The following SLC39A11 variants were observed in gnomAD, a reference collection of about 807,000 sequenced individuals.
The protein encoded by SLC39A11 is zinc transporter ZIP11.
SLC39A11 carries 33 observed loss-of-function variants against 36.1 expected under a neutral mutation model. The observed-to-expected ratio is 0.91, with a 90% confidence interval of 0.69 to 1.22. SLC39A11 has a LOEUF of 1.22. Ranked by LOEUF, SLC39A11 falls within the 50% of genes most tolerant of loss-of-function variation. The probability of loss-of-function intolerance (pLI) is 0.00; values close to 1 mark genes in which losing one functional copy is unlikely to be tolerated. For synonymous variants in SLC39A11, 166 were observed against 170.3 expected, an observed-to-expected ratio of 0.97 and a Z score of 0.20; for missense variants, 432 against 430.3, an observed-to-expected ratio of 1.00 and a Z score of -0.03.
At chr17:72,894,497 A>G (rs2081931347) in intron 5 of SLC39A11, among the ~76,000 whole-genome samples, 1 of 110,940 alleles carries the variant, frequency 9.0e-6, no homozygotes. Context: ...CCTCATCCCT[A>G]CTAAAAAAAA....
At chr17:73,020,646 C>A (rs1385405945) in intron 4 of SLC39A11, among the ~76,000 whole-genome samples, 1 of 145,638 alleles carries the variant, frequency 6.9e-6, no homozygotes, top group African/African-American at 2.5e-5. Flanking sequence ...GAGAACAATG[C>A]TTTTGGGTTT....
chr17:72,741,952 A>G (rs2074724877), intron 6 of SLC39A11, among the ~76,000 whole-genome samples: 2 of 152,164 alleles, frequency 1.3e-5, no homozygotes, highest in Admixed American at 6.5e-5. Context: ...CTGTAATCCC[A>G]GCACTTTGGG....
chr17:72,785,288 C>G (rs1264111268), intron 6 of SLC39A11, among the ~76,000 whole-genome samples: 1 of 152,180 alleles, frequency 6.6e-6, no homozygotes, highest in African/African-American at 2.4e-5. Flanking sequence ...AGGAGGTTTT[C>G]TCTCCTCTCT....
At chr17:72,883,528 T>TCCC (rs2081309567) in intron 5 of SLC39A11, among the ~76,000 whole-genome samples, 1 of 152,206 alleles carries the variant, frequency 6.6e-6, no homozygotes, top group Non-Finnish European at 1.5e-5. Flanking sequence ...GCTAGCCAGT[T>TCCC]AATTACACGG....
chr17:72,950,357 G>A (rs567648201), intron 4 of SLC39A11, among the ~76,000 whole-genome samples: 162 of 152,284 alleles, frequency 1.1e-3, no homozygotes, highest in African/African-American at 3.8e-3. Flanking sequence ...TCACGGTTAA[G>A]GTAGACCTAC....
At chr17:72,695,995 A>T (rs2072277510) in intron 7 of SLC39A11, among the ~76,000 whole-genome samples, 1 of 152,272 alleles carries the variant, frequency 6.6e-6, no homozygotes, top group African/African-American at 2.4e-5. Flanking sequence ...TTAGGCAGCC[A>T]CAGGAGACTA....
At chr17:72,713,507 G>A (rs1187294878) in intron 7 of SLC39A11, among the ~76,000 whole-genome samples, 2 of 152,182 alleles carry the variant, frequency 1.3e-5, no homozygotes, top group Non-Finnish European at 2.9e-5. Flanking sequence ...TCAACAGAGT[G>A]AAACCCGAAG....
intron 4 of SLC39A11, among the ~76,000 whole-genome samples, chr17:72,975,438 C>A (rs1206922389): frequency 6.6e-6 from 1 of 152,102 alleles, no homozygotes; most frequent in African/African-American, 2.4e-5. Context: ...AAAACTTCAT[C>A]TCAAAAAATA....
Position 72,733,512 on chromosome 17 carries a change from C to T in SLC39A11, c.671+3138G>A, listed in dbSNP as rs149942919. On this transcript the variant is annotated intron_variant, in intron 7 of 9. Coordinates refer to ENST00000255559, the MANE Select transcript of SLC39A11 (RefSeq NM_139177.4). ...AGATAAGCTAAGCATCTGCAGCCTCCGTGGAGGCTGGACTGGCTGAGTCTG... is the reference window on the plus strand; with the variant it reads ...AGATAAGCTAAGCATCTGCAGCCTCTGTGGAGGCTGGACTGGCTGAGTCTG... Among the ~76,000 whole-genome samples the T allele has an allele frequency of 1.9e-3, 294 of 152,258 alleles. 2 individuals carry two copies. The highest frequency in any genetic ancestry group is 6.7e-3 in the African/African-American group (279 of 41,550).
chr17:72,861,657 TTATATATATATATA>T (rs373265286), intron 5 of SLC39A11, among the ~76,000 whole-genome samples: 1,578 of 50,960 alleles, frequency 0.031, 53 homozygotes, highest in African/African-American at 0.06. Flanking sequence ...ATACAACACA[TTATATATATATATA>T]TATATATATA....
At chr17:72,716,706 C>T (rs1041792631) in intron 7 of SLC39A11, among the ~76,000 whole-genome samples, 2 of 152,106 alleles carry the variant, frequency 1.3e-5, no homozygotes, top group East Asian at 1.9e-4. Context: ...TGGTGGCTCA[C>T]GCCTGTAATC....
At chr17:73,072,805 G>A (rs1176023607) in intron 3 of SLC39A11, among the ~76,000 whole-genome samples, 1 of 152,192 alleles carries the variant, frequency 6.6e-6, no homozygotes, top group African/African-American at 2.4e-5. Flanking sequence ...TCCTGTCCGT[G>A]CCTCATGTGG....
chr17:73,057,334 T>A (rs550490740), intron 3 of SLC39A11, among the ~76,000 whole-genome samples: 24 of 152,308 alleles, frequency 1.6e-4, no homozygotes, highest in African/African-American at 5.8e-4. Context: ...CCTCTTTTAA[T>A]AGATTCTTTA....
chr17:72,953,901 C>T (rs145056109), intron 4 of SLC39A11, among the ~76,000 whole-genome samples: 20 of 152,312 alleles, frequency 1.3e-4, no homozygotes, highest in Middle Eastern at 3.4e-3. Flanking sequence ...ACCTGACCTC[C>T]GCCAAACCCG....
At chr17:72,686,078 C>A (rs1246004945) in intron 7 of SLC39A11, among the ~76,000 whole-genome samples, 2 of 152,084 alleles carry the variant, frequency 1.3e-5, no homozygotes, top group East Asian at 1.9e-4. Flanking sequence ...GACCCTTGAC[C>A]TCCATCTGCA....
chr17:72,729,430 TATATATATA>T (rs2074090840), intron 7 of SLC39A11, among the ~76,000 whole-genome samples: 4 of 3,178 alleles, frequency 1.3e-3, no homozygotes, highest in African/African-American at 3.8e-3. Context: ...TATATATATA[TATATATATA>T]TATATATATA....
chr17:73,009,712 T>C (rs894912184), intron 4 of SLC39A11, among the ~76,000 whole-genome samples: 1 of 152,214 alleles, frequency 6.6e-6, no homozygotes, highest in Non-Finnish European at 1.5e-5. Flanking sequence ...GTTAATTTTA[T>C]GCTATGTGAA....
intron 4 of SLC39A11, among the ~76,000 whole-genome samples, chr17:72,988,335 C>A (rs746676242): frequency 3.9e-5 from 6 of 152,156 alleles, no homozygotes; most frequent in Non-Finnish European, 8.8e-5. Context: ...GTGGTACATG[C>A]CTGCAATCCC....
At chr17:72,885,530 T>C (rs1364890766) in intron 5 of SLC39A11, among the ~76,000 whole-genome samples, 1 of 152,132 alleles carries the variant, frequency 6.6e-6, no homozygotes, top group Non-Finnish European at 1.5e-5. Context: ...ACCTGTCCTG[T>C]GCACCATCTC....
Sources: gnomAD v4.1 joint callset for allele counts (sites outside exome capture counted in the v4.1 genomes callset) on GRCh38, gnomAD v4.1.1 for gene constraint, MANE v1.5 for transcripts, NCBI Gene and HGNC (gene_info 2026-07-23, HGNC 2026-07-21) for gene names.